The following VEPH1 variants were observed in gnomAD, a reference collection of about 807,000 sequenced individuals.
VEPH1 encodes the protein ventricular zone expressed PH domain containing 1, also known as ventricular zone-expressed PH domain-containing protein homolog 1.
VEPH1 carries 80 observed loss-of-function variants against 85.2 expected under a neutral mutation model. That is an observed-to-expected ratio of 0.94 (90% confidence interval 0.78 to 1.13). The LOEUF (loss-of-function observed/expected upper bound fraction) is 1.13, where lower values mean the gene tolerates loss of function less well. Among genes scored for constraint, VEPH1 ranks in the 50% most tolerant of loss-of-function variants. The probability of loss-of-function intolerance (pLI) is 0.00; values close to 1 mark genes in which losing one functional copy is unlikely to be tolerated. For synonymous variants in VEPH1, 297 were observed against 348.0 expected, an observed-to-expected ratio of 0.85 and a Z score of 1.63; for missense variants, 955 against 980.5, an observed-to-expected ratio of 0.97 and a Z score of 0.35.
At chr3:157,483,315 A>G (rs1311046928) in intron 2 of VEPH1, among the ~76,000 whole-genome samples, 1 of 152,140 alleles carries the variant, frequency 6.6e-6, no homozygotes, top group Non-Finnish European at 1.5e-5. Flanking sequence ...ACAACACTCA[A>G]CACAGACCAC....
At chr3:157,388,592 A>T (rs1357388986) in intron 6 of VEPH1, among the ~76,000 whole-genome samples, 1 of 152,176 alleles carries the variant, frequency 6.6e-6, no homozygotes, top group African/African-American at 2.4e-5. Flanking sequence ...TTGCAGGTGA[A>T]TATGATGATA....
At chr3:157,495,926 A>T (rs939863340) in intron 1 of VEPH1, among the ~76,000 whole-genome samples, 5 of 152,080 alleles carry the variant, frequency 3.3e-5, no homozygotes, top group African/African-American at 2.4e-5. Context: ...ACTTCCTTGA[A>T]CCCTTTCTTC....
chr3:157,374,747 G>A (rs182479685), intron 7 of VEPH1, among the ~76,000 whole-genome samples: 410 of 152,318 alleles, frequency 2.7e-3, no homozygotes, highest in Non-Finnish European at 5.0e-3. Context: ...TGGAGTCTTG[G>A]TTCTGAATGC....
chr3:157,491,217 G>C (rs1476780897), intron 2 of VEPH1, among the ~76,000 whole-genome samples: 1 of 152,118 alleles, frequency 6.6e-6, no homozygotes, highest in Non-Finnish European at 1.5e-5. Context: ...ACATGTTAAA[G>C]TGGGTGATTC....
chr3:157,376,457 G>A (rs559103510), intron 7 of VEPH1, among the ~76,000 whole-genome samples: 45 of 152,276 alleles, frequency 3.0e-4, no homozygotes, highest in South Asian at 1.2e-3. Flanking sequence ...GGACTTGCAC[G>A]GTATTGAAAG....
chr3:157,305,730 C>G (rs1391081958), intron 11 of VEPH1, among the ~76,000 whole-genome samples: 1 of 152,126 alleles, frequency 6.6e-6, no homozygotes, highest in African/African-American at 2.4e-5. Context: ...GTGTGAGTGC[C>G]TTAACTCTTG....
intron 12 of VEPH1, among the ~76,000 whole-genome samples, chr3:157,272,376 T>A: frequency 4.9e-5 from 1 of 20,424 alleles, no homozygotes; most frequent in African/African-American, 1.8e-4. Context: ...TTCTCTTTCT[T>A]TTCTTTCTTT....
intron 11 of VEPH1, among the ~76,000 whole-genome samples, chr3:157,297,779 C>T (rs1546260): frequency 0.46 from 69,484 of 151,608 alleles, 16,669 homozygotes; most frequent in Admixed American, 0.6. Context: ...TTTAATACGA[C>T]GAAGAAAGAA....
intron 2 of VEPH1, among the ~76,000 whole-genome samples, chr3:157,482,146 G>C (rs1450505887): frequency 6.6e-6 from 1 of 152,000 alleles, no homozygotes; most frequent in African/African-American, 2.4e-5. Flanking sequence ...ATTGCTTCAG[G>C]TATTTTGACT....
At chr3:157,346,060 G>T (rs1402338512) in intron 9 of VEPH1, among the ~76,000 whole-genome samples, 1 of 152,072 alleles carries the variant, frequency 6.6e-6, no homozygotes, top group African/African-American at 2.4e-5. Flanking sequence ...GATAGCATTA[G>T]GAGATATACC....
chr3:157,368,584 C>T (rs35079704), intron 7 of VEPH1, among the ~76,000 whole-genome samples: 61,396 of 151,658 alleles, frequency 0.4, 13,291 homozygotes, highest in East Asian at 0.75. Context: ...CTCTGCTTCG[C>T]GGGTTCATGC....
intron 5 of VEPH1, among the ~76,000 whole-genome samples, chr3:157,426,806 C>CTT (rs532205431): frequency 1.2e-4 from 14 of 116,230 alleles, no homozygotes; most frequent in Non-Finnish European, 1.4e-4. Flanking sequence ...AAATCTGTTG[C>CTT]TTTTTTTTTT....
intron 12 of VEPH1, among the ~76,000 whole-genome samples, chr3:157,283,771 A>G (rs542936221): frequency 1.1e-4 from 16 of 152,338 alleles, no homozygotes; most frequent in Admixed American, 8.5e-4. Flanking sequence ...GAGATGCTGG[A>G]CAGCATTAAA....
intron 9 of VEPH1, among the ~76,000 whole-genome samples, chr3:157,354,972 C>T (rs1329675228): frequency 1.3e-5 from 2 of 152,158 alleles, no homozygotes; most frequent in Non-Finnish European, 2.9e-5. Flanking sequence ...GAACTATCCT[C>T]CTCCTCACTT....
intron 4 of VEPH1, among the ~76,000 whole-genome samples, chr3:157,430,802 T>C (rs909678832): frequency 1.3e-5 from 2 of 152,240 alleles, no homozygotes; most frequent in East Asian, 3.8e-4. Flanking sequence ...GTTGTATTCA[T>C]TTTCTATAGC....
At position 157,381,384 on chromosome 3, in the gene VEPH1, A is replaced by C. The variant is rs750545485; in HGVS notation, c.907-8T>G. ...GCAGCTCCTGGCTCTCTCCTACCAA[A>C]AACAATGAAGAAAATAGGTTTATCT... On this transcript the variant is annotated splice_polypyrimidine_tract_variant and splice_region_variant and intron_variant, in intron 6 of 13. Coordinates refer to ENST00000362010, the MANE Select transcript of VEPH1 (RefSeq NM_001167912.2). 3 of 1,613,690 alleles carry C rather than the reference A, an allele frequency of 1.9e-6. No homozygotes were observed. The highest frequency in any genetic ancestry group is 2.2e-5 in the South Asian group (2 of 91,072).
In VEPH1 at chr3:157,381,641, C is replaced by T. The variant is rs143118936; in HGVS notation, c.907-265G>A. The T allele has an allele frequency of 4.1e-4, 182 of 448,208 alleles. 1 individual carries two copies. The highest frequency in any genetic ancestry group is 3.1e-3 in the African/African-American group (155 of 50,458). The allele number at this position is 448,208 out of a possible 1,614,324, so 27.8% of individuals were successfully genotyped here. A position where few individuals can be genotyped will look rare whatever the true frequency, so the allele number is the denominator to read the frequency against. ...GGCTGAGGCACGAGAATCACTTGAA[C>T]GCAGGAGGCAGACGGTGCAGTGAGC... is the stretch of plus-strand genomic sequence containing the variant. On this transcript the variant is annotated intron_variant, in intron 6 of 13. Transcript: ENST00000362010.
intron 9 of VEPH1, among the ~76,000 whole-genome samples, chr3:157,344,426 C>T (rs1287979346): frequency 6.6e-6 from 1 of 152,192 alleles, no homozygotes; most frequent in Admixed American, 6.5e-5. Context: ...CTCCCATTCA[C>T]AATTGCTTCA....
At chr3:157,464,192 T>C (rs1361450629) in intron 3 of VEPH1, among the ~76,000 whole-genome samples, 1 of 152,196 alleles carries the variant, frequency 6.6e-6, no homozygotes, top group Non-Finnish European at 1.5e-5. Context: ...TCCCCAAACA[T>C]CTCAGTCTCA....
Sources: gnomAD v4.1 joint callset for allele counts (sites outside exome capture counted in the v4.1 genomes callset) on GRCh38, gnomAD v4.1.1 for gene constraint, MANE v1.5 for transcripts, NCBI Gene and HGNC (gene_info 2026-07-23, HGNC 2026-07-21) for gene names.